Variants in DPP10 observed in about 807,000 individuals in gnomAD.
DPP10 encodes the protein dipeptidyl peptidase like 10.
DPP10 carries 33 observed loss-of-function variants against 120.9 expected under a neutral mutation model. The observed-to-expected ratio is 0.27, with a 90% confidence interval of 0.21 to 0.37. The LOEUF is 0.37. DPP10 is among the 10% of genes least tolerant of loss of function. The pLI, the probability that DPP10 is intolerant of heterozygous loss-of-function variation, is 1.00. For missense variants in DPP10, 816 were observed against 942.8 expected (o/e 0.87, Z 1.76); for synonymous variants, 337 against 326.1 (o/e 1.03, Z -0.36).
chr2:115,198,552 T>G (rs1483121513), intron 1 of DPP10, among the ~76,000 whole-genome samples: 1 of 152,242 alleles, frequency 6.6e-6, no homozygotes, highest in African/African-American at 2.4e-5. Flanking sequence ...TTATCTTCTC[T>G]CAGATTTCTT....
intron 5 of DPP10, among the ~76,000 whole-genome samples, chr2:115,635,302 G>A (rs991773916): frequency 1.4e-4 from 22 of 152,152 alleles, no homozygotes; most frequent in Admixed American, 9.2e-4. Flanking sequence ...ACAACTCTGC[G>A]GTTCAGACCC....
intron 3 of DPP10, among the ~76,000 whole-genome samples, chr2:115,366,458 G>T (rs1225794956): frequency 6.6e-6 from 1 of 151,796 alleles, no homozygotes; most frequent in Admixed American, 6.6e-5. Context: ...TTTATGCTTT[G>T]CTTATATACA....
rs28516564 is a variant in DPP10 at position 115,110,052 on chromosome 2, A to G, written c.61-199187A>G. 1.2e-3 allele frequency among the ~76,000 whole-genome samples: 187 copies of G among 152,336 alleles called. 1 individual carries two copies. The highest frequency in any genetic ancestry group is 3.7e-3 in the African/African-American group (153 of 41,582). On this transcript the variant is annotated intron_variant, in intron 1 of 25. Coordinates refer to ENST00000410059, the MANE Select transcript of DPP10 (RefSeq NM_020868.6). ...AATAAAATATATCAAAGAACTTGTG[A>G]GGATTAGTGAAGTAAACTCTGTGTA...
intron 3 of DPP10, among the ~76,000 whole-genome samples, chr2:115,372,432 A>G (rs2065477371): frequency 6.6e-6 from 1 of 152,110 alleles, no homozygotes; most frequent in Admixed American, 6.6e-5. Context: ...GGTTTCATAG[A>G]ATCTATTTGA....
chr2:115,147,821 T>G (rs2051315579), intron 1 of DPP10, among the ~76,000 whole-genome samples: 1 of 152,100 alleles, frequency 6.6e-6, no homozygotes, highest in Non-Finnish European at 1.5e-5. Flanking sequence ...TGAAAATGTT[T>G]TTAGGTGAAA....
At chr2:114,837,145 G>T (rs1687805598) in intron 1 of DPP10, among the ~76,000 whole-genome samples, 1 of 152,146 alleles carries the variant, frequency 6.6e-6, no homozygotes, top group African/African-American at 2.4e-5. Context: ...GTAAAGACAG[G>T]CATAGGAAAT....
chr2:114,717,176 C>T (rs985044504), intron 1 of DPP10, among the ~76,000 whole-genome samples: 2 of 152,108 alleles, frequency 1.3e-5, no homozygotes, highest in African/African-American at 2.4e-5. Flanking sequence ...CATTAGGAGA[C>T]GACTTTGCAA....
At chr2:115,808,271 G>A (rs7568318) in intron 19 of DPP10, among the ~76,000 whole-genome samples, 2,775 of 152,296 alleles carry the variant, frequency 0.018, 87 homozygotes, top group African/African-American at 0.061. Flanking sequence ...TTTAAATTAT[G>A]TGTATTTGTG....
chr2:114,927,098 C>G (rs575570778), intron 1 of DPP10, among the ~76,000 whole-genome samples: 89 of 152,148 alleles, frequency 5.8e-4, no homozygotes, highest in Middle Eastern at 3.4e-3. Context: ...ATCCACCCAC[C>G]TCAGCCTCCA....
chr2:114,799,607 G>A (rs922538224), intron 1 of DPP10, among the ~76,000 whole-genome samples: 4 of 152,120 alleles, frequency 2.6e-5, no homozygotes, highest in Non-Finnish European at 5.9e-5. Context: ...TGGAAAGGGG[G>A]TACTCATTTT....
chr2:115,310,476 C>G (rs2061532462), intron 2 of DPP10, among the ~76,000 whole-genome samples: 1 of 151,876 alleles, frequency 6.6e-6, no homozygotes, highest in Non-Finnish European at 1.5e-5. Context: ...AATAAACTGC[C>G]AAAAATGCAG....
chr2:115,557,257 A>G (rs985339118), intron 5 of DPP10, among the ~76,000 whole-genome samples: 11 of 152,096 alleles, frequency 7.2e-5, no homozygotes, highest in Admixed American at 3.9e-4. Context: ...TCTTTTTGCA[A>G]CATGACACTA....
At chr2:114,829,592 G>A (rs1329875128) in intron 1 of DPP10, among the ~76,000 whole-genome samples, 2 of 150,604 alleles carry the variant, frequency 1.3e-5, no homozygotes, top group Non-Finnish European at 2.9e-5. Flanking sequence ...GGCCAGGCTG[G>A]TCTCGAATGC....
intron 1 of DPP10, among the ~76,000 whole-genome samples, chr2:114,729,880 A>T (rs17728568): frequency 6.6e-6 from 1 of 152,204 alleles, no homozygotes; most frequent in Non-Finnish European, 1.5e-5. Flanking sequence ...CAAGAAAGTA[A>T]TTCCTTAAAA....
In DPP10 at chr2:114,584,660, T is replaced by C. The variant is rs568279004; in HGVS notation, c.60+141822T>C. On this transcript the variant is annotated intron_variant, in intron 1 of 25. Transcript: ENST00000410059. ...AACCTGCAGTGTTTGGTTATTTGCC[T>C]TTTTTTAAATTGAGAAATCAATTAT... Among the ~76,000 whole-genome samples, 14 of 150,964 alleles carry C rather than the reference T, an allele frequency of 9.3e-5. No homozygotes were observed. In the South Asian group the frequency reaches 1.9e-3, roughly 20 times the overall value.
chr2:114,733,649 G>A, intron 1 of DPP10, among the ~76,000 whole-genome samples: 1 of 152,164 alleles, frequency 6.6e-6, no homozygotes, highest in East Asian at 1.9e-4. Flanking sequence ...CCCAGAAATG[G>A]CAGGATGCAT....
chr2:114,525,042 G>A (rs925233735), intron 1 of DPP10, among the ~76,000 whole-genome samples: 1 of 152,084 alleles, frequency 6.6e-6, no homozygotes, highest in Non-Finnish European at 1.5e-5. Flanking sequence ...AAATGTGTGT[G>A]GAAGGCTTGC....
chr2:115,689,310 G>A (rs1334390032), intron 5 of DPP10, among the ~76,000 whole-genome samples: 1 of 152,180 alleles, frequency 6.6e-6, no homozygotes, highest in Admixed American at 6.6e-5. Context: ...TATAGACGAT[G>A]TAAAGAGAGG....
At chr2:115,714,887 A>T (rs558219176) in intron 7 of DPP10, among the ~76,000 whole-genome samples, 223 of 152,126 alleles carry the variant, frequency 1.5e-3, no homozygotes, top group Non-Finnish European at 1.5e-3. Flanking sequence ...AAAATTAGCC[A>T]GGCATGGCGA....
Sources: gnomAD v4.1 joint callset for allele counts (sites outside exome capture counted in the v4.1 genomes callset) on GRCh38, gnomAD v4.1.1 for gene constraint, MANE v1.5 for transcripts, NCBI Gene and HGNC (gene_info 2026-07-23, HGNC 2026-07-21) for gene names.